Variants in CCSER1 observed in about 807,000 individuals in gnomAD.
CCSER1 encodes serine-rich coiled-coil domain-containing protein 1.
CCSER1 carries 41 observed loss-of-function variants against 82.0 expected under a neutral mutation model. That is an observed-to-expected ratio of 0.50 (90% confidence interval 0.39 to 0.65). The LOEUF (loss-of-function observed/expected upper bound fraction) is 0.65. Ranked by LOEUF, CCSER1 falls within the 30% of genes least tolerant of loss-of-function variation. CCSER1 has a pLI of 0.00. For missense variants in CCSER1, 1,119 were observed against 1,064.2 expected (o/e 1.05, Z -0.72); for synonymous variants, 414 against 383.9 (o/e 1.08, Z -0.92).
intron 1 of CCSER1, among the ~76,000 whole-genome samples, chr4:90,227,902 G>A (rs1346389483): frequency 6.6e-6 from 1 of 152,234 alleles, no homozygotes; most frequent in African/African-American, 2.4e-5. Flanking sequence ...CCCGAATACA[G>A]CGCTTTTCCG....
intron 7 of CCSER1, among the ~76,000 whole-genome samples, chr4:90,795,083 G>T (rs1271715296): frequency 6.6e-6 from 1 of 152,056 alleles, no homozygotes; most frequent in Non-Finnish European, 1.5e-5. Flanking sequence ...AAGGTCAGGA[G>T]TTCGAGACCA....
At chr4:91,582,486 T>A (rs1367024300) in intron 10 of CCSER1, among the ~76,000 whole-genome samples, 2 of 151,592 alleles carry the variant, frequency 1.3e-5, no homozygotes, top group African/African-American at 4.8e-5. Flanking sequence ...GGATTTACTA[T>A]TGCTCAAATT....
At chr4:91,295,485 T>C (rs144576874) in intron 10 of CCSER1, among the ~76,000 whole-genome samples, 18 of 152,074 alleles carry the variant, frequency 1.2e-4, no homozygotes, top group Non-Finnish European at 2.4e-4. Flanking sequence ...TAAATGGTTA[T>C]ATATTTTTTT....
chr4:91,199,462 G>A (rs188911073), intron 10 of CCSER1, among the ~76,000 whole-genome samples: 39 of 152,178 alleles, frequency 2.6e-4, no homozygotes, highest in Non-Finnish European at 5.0e-4. Context: ...TAAGCAGTTA[G>A]CACGAATGCA....
At chr4:91,090,562 T>C (rs1310567056) in intron 10 of CCSER1, among the ~76,000 whole-genome samples, 2 of 152,218 alleles carry the variant, frequency 1.3e-5, no homozygotes, top group Non-Finnish European at 2.9e-5. Context: ...TTGAGGCTTT[T>C]AGAACCCAGA....
At chr4:91,474,743 GCACACA>G (rs10538837) in intron 10 of CCSER1, among the ~76,000 whole-genome samples, 2 of 138,492 alleles carry the variant, frequency 1.4e-5, no homozygotes, top group African/African-American at 2.7e-5. Context: ...ATACATACAT[GCACACA>G]CACACACACA....
At chr4:90,194,646 TGTGGTA>T (rs1736268967) in intron 1 of CCSER1, among the ~76,000 whole-genome samples, 1 of 152,092 alleles carries the variant, frequency 6.6e-6, no homozygotes, top group African/African-American at 2.4e-5. Context: ...ATCTCATTTT[TGTGGTA>T]TTAATTGATC....
At chr4:91,017,549 T>C (rs1361413361) in intron 9 of CCSER1, among the ~76,000 whole-genome samples, 1 of 152,150 alleles carries the variant, frequency 6.6e-6, no homozygotes, top group Non-Finnish European at 1.5e-5. Flanking sequence ...AGGAAATGTA[T>C]TCTTAACCTG....
intron 3 of CCSER1, among the ~76,000 whole-genome samples, chr4:90,380,064 A>G (rs62312910): frequency 1.3e-5 from 2 of 152,146 alleles, no homozygotes; most frequent in Non-Finnish European, 2.9e-5. Context: ...AACCCTCATG[A>G]TATAATTACC....
At chr4:90,796,995 A>T (rs577878773) in intron 7 of CCSER1, among the ~76,000 whole-genome samples, 1 of 152,252 alleles carries the variant, frequency 6.6e-6, no homozygotes, top group South Asian at 2.1e-4. Flanking sequence ...GTAGATGTCT[A>T]TTAGATCCAT....
At chr4:90,970,418 AT>A (rs1734991393) in intron 9 of CCSER1, among the ~76,000 whole-genome samples, 2 of 152,020 alleles carry the variant, frequency 1.3e-5, no homozygotes, top group African/African-American at 2.4e-5. Context: ...AGTGAAAAAA[AT>A]ATATGCATCT....
chr4:90,396,263 A>G (rs1187419702), intron 3 of CCSER1, among the ~76,000 whole-genome samples: 2 of 152,180 alleles, frequency 1.3e-5, no homozygotes, highest in African/African-American at 2.4e-5. Flanking sequence ...GCACCCTCTT[A>G]TATTTGAGAT....
intron 10 of CCSER1, among the ~76,000 whole-genome samples, chr4:91,279,748 T>G (rs1560563052): frequency 6.6e-6 from 1 of 152,196 alleles, no homozygotes; most frequent in East Asian, 1.9e-4. Flanking sequence ...ATTTCACAAA[T>G]TTCTTCATTG....
At chr4:90,383,236 G>T (rs982477150) in intron 3 of CCSER1, among the ~76,000 whole-genome samples, 1 of 151,936 alleles carries the variant, frequency 6.6e-6, no homozygotes, top group African/African-American at 2.4e-5. Flanking sequence ...AAGTAAAATC[G>T]GAAAGGTTAG....
Position 91,601,465 on chromosome 4 carries a change from A to G in CCSER1, c.*2408A>G, listed in dbSNP as rs1764813398. The G allele has an allele frequency of 6.6e-6, 1 of 152,030 alleles. No individual in the cohort carries two copies. The highest frequency in any genetic ancestry group is 2.1e-4 in the South Asian group (1 of 4,836). 9.4% of individuals were successfully genotyped at this position (152,030 alleles called of 1,614,324 possible). On this transcript the variant is annotated 3_prime_UTR_variant, in exon 11 of 11. Transcript: ENST00000509176. ...GGAGAAGGTGTAAGCCCACTATGCT[A>G]ATGTACATCAGTAACTGTAAAACAG...
chr4:90,975,745 T>C (rs180701235), intron 9 of CCSER1, among the ~76,000 whole-genome samples: 2 of 151,476 alleles, frequency 1.3e-5, no homozygotes. Context: ...ATTACCAATG[T>C]GTTTTTACCT....
At chr4:91,117,632 T>C (rs1726734128) in intron 10 of CCSER1, among the ~76,000 whole-genome samples, 1 of 152,178 alleles carries the variant, frequency 6.6e-6, no homozygotes, top group South Asian at 2.1e-4. Flanking sequence ...GAAAGGTACC[T>C]CAGTTTTGTA....
intron 9 of CCSER1, among the ~76,000 whole-genome samples, chr4:91,074,554 CTA>C (rs1222242518): frequency 6.6e-6 from 1 of 152,134 alleles, no homozygotes; most frequent in African/African-American, 2.4e-5. Flanking sequence ...GTTTTTAAGA[CTA>C]TGATTTATGA....
At chr4:90,432,795 A>T (rs1472444481) in intron 4 of CCSER1, among the ~76,000 whole-genome samples, 1 of 152,102 alleles carries the variant, frequency 6.6e-6, no homozygotes, top group Non-Finnish European at 1.5e-5. Flanking sequence ...TCAACAATGA[A>T]CATTAAAAAC....
Sources: gnomAD v4.1 joint callset for allele counts (sites outside exome capture counted in the v4.1 genomes callset) on GRCh38, gnomAD v4.1.1 for gene constraint, MANE v1.5 for transcripts, NCBI Gene and HGNC (gene_info 2026-07-23, HGNC 2026-07-21) for gene names.